The following PTPRT variants were observed in gnomAD, a reference collection of about 807,000 sequenced individuals.
PTPRT encodes the protein protein tyrosine phosphatase receptor type T, also known as receptor-type tyrosine-protein phosphatase T.
Under a neutral mutation model 176.8 loss-of-function variants are expected in PTPRT, and 56 were observed. The ratio of observed to expected loss-of-function variants is 0.32; its 90% CI spans 0.26 to 0.40. PTPRT has a LOEUF of 0.40. Ranked by LOEUF, PTPRT falls within the 10% of genes least tolerant of loss-of-function variation. The pLI, the probability that PTPRT is intolerant of heterozygous loss-of-function variation, is 1.00. For synonymous variants in PTPRT, 783 were observed against 739.0 expected, an observed-to-expected ratio of 1.06 and a Z score of -0.96; for missense variants, 1,540 against 1,908.2, an observed-to-expected ratio of 0.81 and a Z score of 3.60.
intron 1 of PTPRT, among the ~76,000 whole-genome samples, chr20:43,025,052 C>T (rs1443238212): frequency 2.0e-5 from 3 of 152,188 alleles, no homozygotes; most frequent in African/African-American, 7.2e-5. Context: ...CTGACAGAAA[C>T]ACAGCCATGG....
intron 7 of PTPRT, among the ~76,000 whole-genome samples, chr20:42,520,846 T>C (rs1338918138): frequency 3.1e-5 from 2 of 64,676 alleles, no homozygotes; most frequent in African/African-American, 6.2e-5. Flanking sequence ...TGTGTGTAGA[T>C]AGATAGATAG....
At chr20:42,091,921 G>A (rs1468153663) in intron 27 of PTPRT, among the ~76,000 whole-genome samples, 3 of 152,142 alleles carry the variant, frequency 2.0e-5, no homozygotes, top group Non-Finnish European at 4.4e-5. Flanking sequence ...TAAAACAGCT[G>A]CATCAGAGTT....
At chr20:42,984,175 CATGT>C (rs1168292602) in intron 1 of PTPRT, among the ~76,000 whole-genome samples, 2 of 152,222 alleles carry the variant, frequency 1.3e-5, no homozygotes, top group East Asian at 3.9e-4. Context: ...TATGAATGCA[CATGT>C]ATGTACAAAC....
At chr20:42,593,849 C>A (rs1011168322) in intron 7 of PTPRT, among the ~76,000 whole-genome samples, 2 of 152,116 alleles carry the variant, frequency 1.3e-5, no homozygotes, top group Non-Finnish European at 2.9e-5. Flanking sequence ...GGTAAATAGC[C>A]CCTTTGTTAA....
At chr20:42,184,595 C>CTCT (rs1357403802) in intron 16 of PTPRT, among the ~76,000 whole-genome samples, 715 of 29,266 alleles carry the variant, frequency 0.024, 14 homozygotes, top group African/African-American at 0.063. Context: ...CTTCTTCTTC[C>CTCT]TCTTCTTCTT....
intron 1 of PTPRT, among the ~76,000 whole-genome samples, chr20:42,887,701 T>C (rs758138632): frequency 6.6e-6 from 1 of 152,208 alleles, no homozygotes; most frequent in Admixed American, 6.5e-5. Flanking sequence ...CCAAACACCA[T>C]GGAAGAAAAC....
chr20:42,298,104 A>C (rs2057414248), intron 12 of PTPRT, among the ~76,000 whole-genome samples: 2 of 152,196 alleles, frequency 1.3e-5, no homozygotes, highest in Admixed American at 1.3e-4. Context: ...TGCAACATAT[A>C]TCACAGATAA....
At chr20:43,131,484 T>C (rs1209560758) in intron 1 of PTPRT, among the ~76,000 whole-genome samples, 1 of 152,228 alleles carries the variant, frequency 6.6e-6, no homozygotes, top group Non-Finnish European at 1.5e-5. Context: ...ATTTGAAAAA[T>C]CTGACTTGAC....
intron 7 of PTPRT, among the ~76,000 whole-genome samples, chr20:42,546,975 A>T (rs1033643): frequency 0.12 from 17,897 of 152,208 alleles, 1,136 homozygotes; most frequent in East Asian, 0.21. Flanking sequence ...GAATTACTGA[A>T]ACGTAACACA....
rs145902161 is a variant in PTPRT at position 42,772,937 on chromosome 20, C to A, written c.569-1387G>T. On this transcript the variant is annotated intron_variant, in intron 4 of 30. Transcript: ENST00000373187. The stretch of plus-strand genomic sequence containing the variant: ...TCCCTGTTAGGCAGAAATCAAGGCT[C>A]AGCAAGTTTAATGTGCTGAAAGCTA... Among the ~76,000 whole-genome samples the A allele has an allele frequency of 4.8e-3, 729 of 152,262 alleles. 3 individuals are homozygous for A. The highest frequency in any genetic ancestry group is 0.017 in the African/African-American group (691 of 41,548).
intron 1 of PTPRT, among the ~76,000 whole-genome samples, chr20:43,116,339 T>C (rs1668381562): frequency 6.6e-6 from 1 of 151,880 alleles, no homozygotes; most frequent in South Asian, 2.1e-4. Context: ...ATACACAAGG[T>C]GGTGGGGGAT....
At chr20:42,448,803 A>G (rs535810047) in intron 8 of PTPRT, among the ~76,000 whole-genome samples, 3 of 152,158 alleles carry the variant, frequency 2.0e-5, no homozygotes, top group African/African-American at 7.2e-5. Flanking sequence ...TGGAAGAAGA[A>G]TTATTATTGT....
chr20:42,493,093 T>C (rs1040583447), intron 7 of PTPRT, among the ~76,000 whole-genome samples: 3 of 152,180 alleles, frequency 2.0e-5, no homozygotes, highest in Non-Finnish European at 2.9e-5. Context: ...AACTGCCTCA[T>C]GTAAAGTTTT....
chr20:42,472,786 T>C (rs1217439076), intron 7 of PTPRT, among the ~76,000 whole-genome samples: 1 of 152,122 alleles, frequency 6.6e-6, no homozygotes, highest in East Asian at 1.9e-4. Flanking sequence ...AAAACATAAA[T>C]ATATAAAAGG....
intron 1 of PTPRT, among the ~76,000 whole-genome samples, chr20:42,920,638 T>C (rs1340749179): frequency 6.6e-6 from 1 of 152,184 alleles, no homozygotes; most frequent in Admixed American, 6.5e-5. Flanking sequence ...GAACACTTTA[T>C]TCCAAACAAA....
chr20:42,440,390 T>C (rs937722156), intron 9 of PTPRT, among the ~76,000 whole-genome samples: 2 of 152,170 alleles, frequency 1.3e-5, no homozygotes, highest in African/African-American at 4.8e-5. Context: ...AGAATATTTA[T>C]TGAGTACATA....
chr20:42,597,408 T>C (rs2073690684), intron 7 of PTPRT, among the ~76,000 whole-genome samples: 1 of 152,142 alleles, frequency 6.6e-6, no homozygotes. Context: ...TGGATCTGTG[T>C]CCCCGCCCAA....
At chr20:42,196,157 G>C (rs1017992334) in intron 16 of PTPRT, among the ~76,000 whole-genome samples, 7 of 152,076 alleles carry the variant, frequency 4.6e-5, no homozygotes, top group Admixed American at 6.6e-5. Context: ...TTTACAAATG[G>C]AAAAAAGTGC....
intron 5 of PTPRT, among the ~76,000 whole-genome samples, chr20:42,766,673 C>T (rs1203424166): frequency 2.0e-5 from 3 of 152,330 alleles, no homozygotes; most frequent in East Asian, 3.9e-4. Flanking sequence ...TTTCACCACA[C>T]AGGCAACAGG....
Sources: gnomAD v4.1 joint callset for allele counts (sites outside exome capture counted in the v4.1 genomes callset) on GRCh38, gnomAD v4.1.1 for gene constraint, MANE v1.5 for transcripts, NCBI Gene and HGNC (gene_info 2026-07-23, HGNC 2026-07-21) for gene names.